The following ZNF596 variants were observed in gnomAD, a reference collection of about 807,000 sequenced individuals.
The protein encoded by ZNF596 is zinc finger protein 596.
In ZNF596, 45 loss-of-function variants were observed where a neutral mutation model predicts 48.3. The ratio of observed to expected loss-of-function variants is 0.93; its 90% confidence interval spans 0.73 to 1.19. ZNF596 has a LOEUF of 1.19. Among genes scored for constraint, ZNF596 ranks in the 50% most tolerant of loss-of-function variants. ZNF596 has a pLI of 0.00. For synonymous variants in ZNF596, 270 were observed against 202.0 expected (o/e 1.34, Z -2.85); for missense variants, 848 against 599.7 (o/e 1.41, Z -4.32).
chr8:232,942 C>T (rs918208734), intron 1 of ZNF596: 1 of 468,904 alleles, frequency 2.1e-6, no homozygotes, highest in Non-Finnish European at 4.4e-6. Flanking sequence ...TCTGCACAAT[C>T]GCCTCCCACT....
At chr8:236,710 T>C (rs1173269589) in intron 1 of ZNF596, among the ~76,000 whole-genome samples, 2 of 152,236 alleles carry the variant, frequency 1.3e-5, no homozygotes, top group Non-Finnish European at 2.9e-5. Context: ...TTTTCTAGTA[T>C]GGAATTATCC....
chr8:232,183 C>T (rs146053243), upstream of ZNF596: 18,060 of 153,058 alleles, frequency 0.12, 1,231 homozygotes, highest in East Asian at 0.32. Context: ...GAACGCACTC[C>T]AACAGAACCC....
chr8:233,460 G>A (rs1207049569), intron 1 of ZNF596: 1 of 270,318 alleles, frequency 3.7e-6, no homozygotes. Context: ...TTAATTCAGT[G>A]TGCACTTCGT....
chr8:237,158 T>G (rs1259576907), intron 1 of ZNF596: 1 of 152,162 alleles, frequency 6.6e-6, no homozygotes, highest in Non-Finnish European at 1.5e-5. Context: ...TTCTTAGATT[T>G]TAAATTACTA....
At chr8:235,600 G>C (rs1490598872) in intron 1 of ZNF596, among the ~76,000 whole-genome samples, 3 of 151,866 alleles carry the variant, frequency 2.0e-5, no homozygotes, top group African/African-American at 7.3e-5. Context: ...ATTTTTCTAT[G>C]AAACTCATTT....
chr8:245,736 C>G lies in ZNF596; in HGVS notation c.889C>G (p.His297Asp). Residue 297 changes from histidine (H) to aspartate (D), a missense_variant, in exon 6 of 6, where the codon CAT becomes GAT. Transcript: ENST00000398612. ...AFTHCSDLRK[H>D]ERTHLGDKPY... ...CACTCATTGCTCTGACCTTAGAAAACATGAGAGAACTCACTTAGGAGATAA... is the reference window on the plus strand; with the variant it reads ...CACTCATTGCTCTGACCTTAGAAAAGATGAGAGAACTCACTTAGGAGATAA... 1 of 1,614,104 alleles carries G rather than the reference C, an allele frequency of 6.2e-7. No individual in the cohort carries two copies. The highest frequency in any genetic ancestry group is 8.5e-7 in the Non-Finnish European group (1 of 1,180,020).
intron 5 of ZNF596, 62 bp downstream of exon 5, chr8:244,763 G>A (rs1321106228): frequency 1.4e-6 from 2 of 1,413,480 alleles, no homozygotes; most frequent in South Asian, 2.4e-5. Context: ...AAACAACTTT[G>A]GAATTTGGTA....
At chr8:233,289 G>A (rs1796491874) in intron 1 of ZNF596, 1 of 339,344 alleles carries the variant, frequency 2.9e-6, no homozygotes, top group Non-Finnish European at 6.1e-6. Context: ...AGCAGAGAGG[G>A]CAGCAGAAGC....
rs1298929451 is a variant in ZNF596 at position 246,483 on chromosome 8, T to C, written c.*121T>C. On this transcript the variant is annotated 3_prime_UTR_variant, in exon 6 of 6. Coordinates refer to ENST00000398612, the MANE Select transcript of ZNF596 (RefSeq NM_001042416.3). ...TATTTACCACTTTGCTCAACCTAAATGAATTCAAGGTAGAGAGAATCCAGA... is the reference window on the plus strand; with the variant it reads ...TATTTACCACTTTGCTCAACCTAAACGAATTCAAGGTAGAGAGAATCCAGA... 1 of 1,288,592 alleles carries C rather than the reference T, an allele frequency of 7.8e-7. No homozygotes were observed. The highest frequency in any genetic ancestry group is 1.1e-6 in the Non-Finnish European group (1 of 949,910). The allele number at this position is 1,288,592 out of a possible 1,614,324, so 79.8% of individuals were successfully genotyped here. A position where few individuals can be genotyped will look rare whatever the true frequency, so the allele number is the denominator to read the frequency against.
At chr8:239,704 T>C (rs1240569331) in intron 1 of ZNF596, among the ~76,000 whole-genome samples, 3 of 152,226 alleles carry the variant, frequency 2.0e-5, no homozygotes, top group Non-Finnish European at 4.4e-5. Flanking sequence ...TTTCAGCATA[T>C]GGATGTGTTC....
chr8:239,488 T>C (rs146485263), intron 1 of ZNF596, among the ~76,000 whole-genome samples: 105 of 152,326 alleles, frequency 6.9e-4, no homozygotes, highest in African/African-American at 2.0e-3. Context: ...TGAGCCACCA[T>C]GCCCGGCAAG....
rs373667182 is a variant in ZNF596 at position 246,263 on chromosome 8, G to A, written c.1416G>A (p.Glu472=). The A allele has an allele frequency of 6.8e-6, 11 of 1,612,958 alleles. No individual in the cohort carries two copies. The highest frequency in any genetic ancestry group is 8.5e-6 in the Non-Finnish European group (10 of 1,179,550). The change falls in exon 6 of 6, where the codon GAG becomes GAA. Residue 472 remains glutamate (E), a synonymous_variant. Transcript: ENST00000398612. ...TTCATAGAAGAGTTCACACTGGAGA[G>A]AAACCATATGTATGTCCTCTATGTG... is the stretch of plus-strand genomic sequence containing the variant. ...FRLHRRVHTG[E]KPYVCPLCGK...
chr8:245,546 T>G lies in ZNF596; in HGVS notation c.699T>G (p.Thr233=). The G allele has an allele frequency of 6.2e-7, 1 of 1,614,100 alleles. No individual in the cohort carries two copies. Among genetic ancestry groups the G allele is most frequent in the Non-Finnish European group, 8.5e-7 (1 of 1,179,998 alleles). Residue 233 remains threonine (T), a synonymous_variant, in exon 6 of 6, where the codon ACT becomes ACG. Transcript: ENST00000398612. The stretch of plus-strand genomic sequence containing the variant: ...GTCATCTATGTGGGAAAGCCTTTAC[T>G]CATTGCTCTGATCTTCGAAAACATG... ...HGCHLCGKAF[T]HCSDLRKHER... is the part of the protein sequence containing the mutation.
chr8:244,902 G>A (rs945995299), intron 5 of ZNF596, among the ~76,000 whole-genome samples: 6 of 152,172 alleles, frequency 3.9e-5, no homozygotes, highest in African/African-American at 4.8e-5. Context: ...ACTTGACTAC[G>A]TGCTGAAACT....
chr8:246,562 G>A lies in ZNF596; in HGVS notation c.*200G>A. 1 of 539,340 alleles carries A rather than the reference G, an allele frequency of 1.9e-6. No individual in the cohort carries two copies. Among genetic ancestry groups the A allele is most frequent in the Non-Finnish European group, 3.1e-6 (1 of 325,710 alleles). The allele number at this position is 539,340 out of a possible 1,614,324, so 33.4% of individuals were successfully genotyped here. A position where few individuals can be genotyped will look rare whatever the true frequency, so the allele number is the denominator to read the frequency against. On this transcript the variant is annotated 3_prime_UTR_variant, in exon 6 of 6. Transcript: ENST00000398612. Reference sequence around the variant, plus strand: ...AGACTCTAGGCTGACCATATACAACGTGAGAGAATGAAACTATAGATCAAA... The same window carrying A: ...AGACTCTAGGCTGACCATATACAACATGAGAGAATGAAACTATAGATCAAA...
At position 242,880 on chromosome 8, in the gene ZNF596, G is replaced by C. The variant is rs1796909953; in HGVS notation, c.13-7G>C. 1.3e-6 allele frequency: 2 copies of C among 1,543,978 alleles called. No homozygotes were observed. Among genetic ancestry groups the C allele is most frequent in the Non-Finnish European group, 1.8e-6 (2 of 1,137,146 alleles). On this transcript the variant is annotated splice_polypyrimidine_tract_variant and splice_region_variant and intron_variant, in intron 2 of 5. Transcript: ENST00000398612. ...CTGTTTGCAGTAGAATGTCCATAAT[G>C]TTTTAGGATTCCATGACCTTCGAGG...
intron 4 of ZNF596, 114 bp from the exon 5 acceptor site, chr8:244,505 C>T: frequency 1.4e-6 from 1 of 710,198 alleles, no homozygotes. Flanking sequence ...GTTAATTTAA[C>T]ATTCTTTCCC....
Position 246,272 on chromosome 8 carries a change from T to G in ZNF596, c.1425T>G (p.Tyr475Ter). ...GAGTTCACACTGGAGAGAAACCATA[T>G]GTATGTCCTCTATGTGGGAAAGCCT... ...HRRVHTGEKP[Y>*]VCPLCGKAFS... is the part of the protein sequence containing the mutation. Residue 475 changes from tyrosine (Y) to a stop codon, truncating the protein, a stop_gained, in exon 6 of 6, where the codon TAT becomes TAG. Coordinates refer to ENST00000398612, the MANE Select transcript of ZNF596 (RefSeq NM_001042416.3). LOFTEE classifies it high-confidence loss of function. The G allele has an allele frequency of 6.2e-7, 1 of 1,612,750 alleles. No homozygotes were observed. Among genetic ancestry groups the G allele is most frequent in the South Asian group, 1.1e-5 (1 of 90,792 alleles).
intron 2 of ZNF596, 79 bp from the exon 3 acceptor site, chr8:242,808 G>A (rs1796907796): frequency 7.4e-7 from 1 of 1,344,732 alleles, no homozygotes; most frequent in Non-Finnish European, 9.7e-7. Context: ...CACTTCCTTA[G>A]TACAGTCACT....
Sources: gnomAD v4.1 joint callset for allele counts (sites outside exome capture counted in the v4.1 genomes callset) on GRCh38, gnomAD v4.1.1 for gene constraint, MANE v1.5 for transcripts, NCBI Gene and HGNC (gene_info 2026-07-23, HGNC 2026-07-21) for gene names.